The following MMP16 variants were observed in gnomAD, a reference collection of about 807,000 sequenced individuals.
MMP16 encodes the protein matrix metalloproteinase-16.
Under a neutral mutation model 67.8 loss-of-function variants are expected in MMP16, and 12 were observed. The observed-to-expected ratio is 0.18, with a 90% CI of 0.11 to 0.29. MMP16 has a LOEUF of 0.29. Ranked by LOEUF, MMP16 falls within the 10% of genes least tolerant of loss-of-function variation. The pLI is 1.00. For synonymous variants in MMP16, 249 were observed against 255.9 expected (o/e 0.97, Z 0.26); for missense variants, 475 against 765.7 (o/e 0.62, Z 4.48).
chr8:88,159,293 C>G (rs540732460), intron 4 of MMP16, among the ~76,000 whole-genome samples: 1 of 152,248 alleles, frequency 6.6e-6, no homozygotes, highest in South Asian at 2.1e-4. Flanking sequence ...TCTTCCTATC[C>G]ATGGGCATGG....
At chr8:88,215,834 T>G (rs1380139217) in intron 1 of MMP16, among the ~76,000 whole-genome samples, 1 of 152,186 alleles carries the variant, frequency 6.6e-6, no homozygotes, top group African/African-American at 2.4e-5. Flanking sequence ...TTTTTCGTGC[T>G]AGGATTCTGA....
intron 1 of MMP16, among the ~76,000 whole-genome samples, chr8:88,256,498 C>T (rs1367823817): frequency 6.6e-6 from 1 of 152,130 alleles, no homozygotes; most frequent in East Asian, 1.9e-4. Context: ...TCTTTCCCAT[C>T]TCAGAAGAAA....
chr8:88,146,568 T>C (rs1808293300), intron 4 of MMP16, among the ~76,000 whole-genome samples: 1 of 152,002 alleles, frequency 6.6e-6, no homozygotes, highest in Non-Finnish European at 1.5e-5. Context: ...CTCATTGTTG[T>C]TTGTAAAATT....
intron 1 of MMP16, among the ~76,000 whole-genome samples, chr8:88,231,239 T>G (rs990470639): frequency 6.6e-6 from 1 of 152,178 alleles, no homozygotes; most frequent in Non-Finnish European, 1.5e-5. Flanking sequence ...TCTCTAACGA[T>G]TCACTGAAAT....
chr8:88,126,642 C>T (rs1219958391), intron 4 of MMP16, among the ~76,000 whole-genome samples: 5 of 151,678 alleles, frequency 3.3e-5, no homozygotes, highest in South Asian at 2.1e-4. Flanking sequence ...TAATCACTTC[C>T]CAGTGTGTTT....
intron 1 of MMP16, among the ~76,000 whole-genome samples, chr8:88,201,144 CAA>C (rs71277984): frequency 0.042 from 4,569 of 109,260 alleles, 88 homozygotes; most frequent in African/African-American, 0.069. Context: ...TTTCCCCCCC[CAA>C]AAAAAAAAAA....
Position 88,035,162 on chromosome 8 carries a change from A to G in MMP16, c.*6299T>C, listed in dbSNP as rs559636984. 1 of 152,142 alleles carries G rather than the reference A, an allele frequency of 6.6e-6. No homozygotes were observed. Among genetic ancestry groups the G allele is most frequent in the East Asian group, 1.9e-4 (1 of 5,176 alleles). The allele number at this position is 152,142 out of a possible 1,614,324, so 9.4% of individuals were successfully genotyped here. A position where few individuals can be genotyped will look rare whatever the true frequency, so the allele number is the denominator to read the frequency against. On this transcript the variant is annotated 3_prime_UTR_variant, in exon 10 of 10. Transcript: ENST00000286614. The surrounding 1 kb of genome is among the most constrained non-coding windows in gnomAD (Gnocchi z 4.7). ...TTCTTCCAGTTTTTCTCTGTGAAAT[A>G]AAGGTTAATGACATCTTGCTCTGAA...
chr8:88,078,820 C>A (rs1808696617), intron 6 of MMP16, among the ~76,000 whole-genome samples: 1 of 152,232 alleles, frequency 6.6e-6, no homozygotes, highest in Non-Finnish European at 1.5e-5. Context: ...CATGTTCACA[C>A]TGAACATTTC....
Position 88,181,522 on chromosome 8 carries a change from A to G in MMP16, c.404+4954T>C, listed in dbSNP as rs554411462. Among the ~76,000 whole-genome samples the G allele has an allele frequency of 2.6e-5, 4 of 151,712 alleles. No individual in the cohort carries two copies. In the South Asian group the frequency reaches 8.3e-4, roughly 31 times the overall value. ...ATAAAATTTTGATGAAAGAATTCAA[A>G]GATCTCAATAAATAGGAAGATATCC... On this transcript the variant is annotated intron_variant, in intron 3 of 9. Transcript: ENST00000286614.
intron 3 of MMP16, among the ~76,000 whole-genome samples, chr8:88,185,827 T>A (rs1586195102): frequency 6.6e-6 from 1 of 152,218 alleles, no homozygotes; most frequent in Non-Finnish European, 1.5e-5. Flanking sequence ...TGTATTTATA[T>A]GACTGTTCAA....
intron 1 of MMP16, among the ~76,000 whole-genome samples, chr8:88,262,897 T>C (rs1021954692): frequency 1.5e-4 from 19 of 126,618 alleles, no homozygotes; most frequent in East Asian, 9.5e-4. Context: ...TGGTAGCGGG[T>C]GCCTGTAGTC....
At chr8:88,276,335 G>C (rs1810648853) in intron 1 of MMP16, among the ~76,000 whole-genome samples, 1 of 152,070 alleles carries the variant, frequency 6.6e-6, no homozygotes, top group Non-Finnish European at 1.5e-5. Context: ...TTAATATTCT[G>C]CCAATATTCT....
At chr8:88,098,177 G>C (rs923616214) in intron 6 of MMP16, among the ~76,000 whole-genome samples, 1 of 151,956 alleles carries the variant, frequency 6.6e-6, no homozygotes, top group South Asian at 2.1e-4. Context: ...CAGCAAAAGG[G>C]ACAGACACAT....
At chr8:88,081,658 G>C (rs1038185354) in intron 6 of MMP16, among the ~76,000 whole-genome samples, 2 of 151,572 alleles carry the variant, frequency 1.3e-5, no homozygotes, top group Non-Finnish European at 2.9e-5. Context: ...GCATTTTTAG[G>C]GTATTTTATG....
chr8:88,118,895 C>T, intron 4 of MMP16, 34 bp from the exon 5 acceptor site: 4 of 1,591,980 alleles, frequency 2.5e-6, no homozygotes, highest in Non-Finnish European at 3.4e-6. Context: ...GTTTTTGTAA[C>T]TAATATCCAA....
intron 4 of MMP16, among the ~76,000 whole-genome samples, chr8:88,162,132 G>A (rs1042842616): frequency 2.0e-5 from 3 of 151,872 alleles, no homozygotes; most frequent in African/African-American, 7.3e-5. Flanking sequence ...TTTTGTGAAT[G>A]TGACTATACC....
chr8:88,285,747 C>A (rs1248549081), intron 1 of MMP16, among the ~76,000 whole-genome samples: 1 of 152,132 alleles, frequency 6.6e-6, no homozygotes, highest in Non-Finnish European at 1.5e-5. Context: ...ATATATACAT[C>A]ATTTACCATT....
chr8:88,201,047 G>A (rs1032113922), intron 1 of MMP16, among the ~76,000 whole-genome samples: 1 of 140,982 alleles, frequency 7.1e-6, no homozygotes, highest in African/African-American at 2.6e-5. Flanking sequence ...ACAAATGCAA[G>A]AACAATTTTT....
intron 1 of MMP16, among the ~76,000 whole-genome samples, chr8:88,262,508 C>T (rs1810402198): frequency 6.6e-6 from 1 of 152,144 alleles, no homozygotes; most frequent in African/African-American, 2.4e-5. Flanking sequence ...ACACTTGAGG[C>T]TCCTCGCTAG....
Sources: allele counts gnomAD v4.1 joint callset (sites outside exome capture counted in the v4.1 genomes callset), GRCh38; gene constraint gnomAD v4.1.1; non-coding constraint Gnocchi (gnomAD v3.1); transcripts MANE v1.5; gene names NCBI Gene and HGNC (gene_info 2026-07-23, HGNC 2026-07-21).